Variants in PCDHA8 observed in about 807,000 individuals in gnomAD.
PCDHA8 encodes the protein protocadherin alpha 8.
In PCDHA8, 53 loss-of-function variants were observed where a neutral mutation model predicts 61.8. The observed-to-expected ratio is 0.86, with a 90% CI of 0.69 to 1.08. The LOEUF (loss-of-function observed/expected upper bound fraction) is 1.08, where lower values mean the gene tolerates loss of function less well. PCDHA8 is among the 50% of genes least tolerant of loss of function. The pLI is 0.00. For missense variants in PCDHA8, 1,293 were observed against 1,245.0 expected, an observed-to-expected ratio of 1.04 and a Z score of -0.58; for synonymous variants, 618 against 556.6, an observed-to-expected ratio of 1.11 and a Z score of -1.55.
At chr5:140,903,487 A>G (rs2070330722) in intron 1 of PCDHA8, among the ~76,000 whole-genome samples, 1 of 152,242 alleles carries the variant, frequency 6.6e-6, no homozygotes, top group South Asian at 2.1e-4. Context: ...TATAGTTCTG[A>G]GCAGGTACCA....
At position 141,010,114 on chromosome 5, in the gene PCDHA8, G is replaced by A. The variant is rs2098416092; in HGVS notation, c.*177G>A. Reference sequence around the variant, plus strand: ...GCATTTAACAGGTTTTGTCGTAAAAGCTTTACTAAGTCTGGTGTTAACTCT... The same window carrying A: ...GCATTTAACAGGTTTTGTCGTAAAAACTTTACTAAGTCTGGTGTTAACTCT... On this transcript the variant is annotated 3_prime_UTR_variant, in exon 4 of 4. Transcript: ENST00000531613. The A allele has an allele frequency of 1.2e-6, 2 of 1,609,716 alleles. No homozygotes were observed. Among genetic ancestry groups the A allele is most frequent in the Non-Finnish European group, 1.7e-6 (2 of 1,177,682 alleles).
intron 1 of PCDHA8, among the ~76,000 whole-genome samples, chr5:140,904,604 T>C (rs1010462159): frequency 2.0e-5 from 3 of 152,094 alleles, no homozygotes; most frequent in Non-Finnish European, 1.5e-5. Flanking sequence ...CTGGATCAAA[T>C]AGTAGTTTTA....
At chr5:140,938,870 A>C (rs560302282) in intron 1 of PCDHA8, among the ~76,000 whole-genome samples, 1 of 152,264 alleles carries the variant, frequency 6.6e-6, no homozygotes, top group South Asian at 2.1e-4. Flanking sequence ...TTAAAAGTTA[A>C]GAAGCAACAC....
At chr5:141,009,374 G>A (rs567366098) in intron 3 of PCDHA8, among the ~76,000 whole-genome samples, 2 of 152,334 alleles carry the variant, frequency 1.3e-5, no homozygotes, top group African/African-American at 2.4e-5. Context: ...TGGGAGGATT[G>A]ATTGAGCACA....
At chr5:141,007,149 T>G (rs980574316) in intron 3 of PCDHA8, among the ~76,000 whole-genome samples, 12 of 152,084 alleles carry the variant, frequency 7.9e-5, no homozygotes, top group African/African-American at 2.9e-4. Context: ...CAAAGGAAAC[T>G]GTCAAAGAAC....
chr5:141,008,597 C>T (rs1485271666), intron 3 of PCDHA8, among the ~76,000 whole-genome samples: 1 of 152,224 alleles, frequency 6.6e-6, no homozygotes, highest in East Asian at 1.9e-4. Flanking sequence ...GATTTCACCT[C>T]CTCTGGAACC....
chr5:140,862,675 G>A, intron 1 of PCDHA8: 1 of 550,422 alleles, frequency 1.8e-6, no homozygotes, highest in South Asian at 1.4e-5. Context: ...GCAGGAGAAC[G>A]TGCTGGTGTC....
At chr5:140,962,667 C>T (rs576054969) in intron 1 of PCDHA8, among the ~76,000 whole-genome samples, 1 of 152,272 alleles carries the variant, frequency 6.6e-6, no homozygotes, top group East Asian at 1.9e-4. Flanking sequence ...TTCATCTTCC[C>T]ATCCACTGGA....
intron 1 of PCDHA8, chr5:140,854,476 A>G (rs1156843367): frequency 6.7e-6 from 1 of 150,032 alleles, no homozygotes. Flanking sequence ...GTAGAGAAGT[A>G]TAGAAACAGA....
rs1777945140 is a variant in PCDHA8 at position 140,842,438 on chromosome 5, A to G, written c.1117A>G (p.Ser373Gly). ...AQFGTVIALISVNDLDSGANG... is the reference protein window; with the variant it reads ...AQFGTVIALIGVNDLDSGANG... Reference sequence around the variant, plus strand: ...ATTTGGTACTGTCATCGCCCTAATTAGCGTGAACGACCTCGATTCAGGTGC... The same window carrying G: ...ATTTGGTACTGTCATCGCCCTAATTGGCGTGAACGACCTCGATTCAGGTGC... The change falls in exon 1 of 4, where the codon AGC becomes GGC. Residue 373 changes from serine to glycine, a missense_variant. By Grantham distance (56) the Ser-to-Gly change is moderately conservative (BLOSUM62 0). Transcript: ENST00000531613. 6.2e-7 allele frequency: 1 copy of G among 1,613,768 alleles called. No homozygotes were observed. Among genetic ancestry groups the G allele is most frequent in the Non-Finnish European group, 8.5e-7 (1 of 1,179,752 alleles).
intron 1 of PCDHA8, chr5:140,849,490 G>A: frequency 6.3e-7 from 1 of 1,592,564 alleles, no homozygotes; most frequent in African/African-American, 1.4e-5. Context: ...CCCCTGGCTG[G>A]TCATTGTACA....
intron 1 of PCDHA8, among the ~76,000 whole-genome samples, chr5:140,895,002 A>C (rs1003440406): frequency 6.6e-6 from 1 of 152,030 alleles, no homozygotes; most frequent in Non-Finnish European, 1.5e-5. Flanking sequence ...TACCCTTTTT[A>C]CTTGGACCTT....
In PCDHA8 at chr5:141,010,847, A is replaced by C. The variant is rs2098418553; in HGVS notation, c.*910A>C. 6.5e-6 allele frequency: 1 copy of C among 153,782 alleles called. No homozygotes were observed. Among genetic ancestry groups the C allele is most frequent in the Non-Finnish European group, 1.5e-5 (1 of 68,062 alleles). The allele number at this position is 153,782 out of a possible 1,614,324, so 9.5% of individuals were successfully genotyped here. A position where few individuals can be genotyped will look rare whatever the true frequency, so the allele number is the denominator to read the frequency against. ...TTGTTGTTTCATAGATTTATTTAAA[A>C]AAAGAGAAAGTCTATAGCTATAAAT... On this transcript the variant is annotated 3_prime_UTR_variant, in exon 4 of 4. Transcript: ENST00000531613.
rs557129583 is a variant in PCDHA8 at position 140,853,604 on chromosome 5, G to A, written c.2394+9889G>A. The A allele has an allele frequency of 2.1e-4, 212 of 987,262 alleles. 18 individuals are homozygous for A. Among genetic ancestry groups the A allele is most frequent in the Non-Finnish European group, 2.2e-4 (180 of 819,618 alleles). 61.2% of individuals were successfully genotyped at this position (987,262 alleles called of 1,614,324 possible). A position where few individuals can be genotyped will look rare whatever the true frequency, so the allele number is the denominator to read the frequency against. ...ATCTTAGACACTTTGAGAGCAAAGG[G>A]GGTGCTGTAAATAAGTATACAAGAT... On this transcript the variant is annotated intron_variant, in intron 1 of 3. Coordinates refer to ENST00000531613, the MANE Select transcript of PCDHA8 (RefSeq NM_018911.3).
At position 140,849,929 on chromosome 5, in the gene PCDHA8, T is replaced by G. The variant is rs1450636702; in HGVS notation, c.2394+6214T>G. 8.1e-6 allele frequency: 13 copies of G among 1,598,096 alleles called. 1 individual carries two copies. The African/African-American group carries it at 1.2e-4, about 15-fold the overall frequency. On this transcript the variant is annotated intron_variant, in intron 1 of 3. Transcript: ENST00000531613. ...CGGGCTGCCACATCTTCACGGTGTC[T>G]GCGCGGGACGCTGACGCGCAGGAGA...
Position 140,850,531 on chromosome 5 carries a change from C to T in PCDHA8, c.2394+6816C>T, listed in dbSNP as rs2150488289. 32 of 1,598,158 alleles carry T rather than the reference C, an allele frequency of 2.0e-5. 1 individual carries two copies. The East Asian group carries it at 2.5e-4, about 12-fold the overall frequency. On this transcript the variant is annotated intron_variant, in intron 1 of 3. Coordinates refer to ENST00000531613, the MANE Select transcript of PCDHA8 (RefSeq NM_018911.3). ...GAGAGCGGCCAGGCGCCAAAGTCAT[C>T]GTCGCGGGCGTCAGTGGGTGCCACG...
chr5:140,940,450 A>G (rs1279490375), intron 1 of PCDHA8, among the ~76,000 whole-genome samples: 1 of 151,884 alleles, frequency 6.6e-6, no homozygotes, highest in Non-Finnish European at 1.5e-5. Flanking sequence ...GATATTTTTT[A>G]TAGGTTTCTG....
At chr5:140,955,470 G>C (rs1459601597) in intron 1 of PCDHA8, among the ~76,000 whole-genome samples, 2 of 151,850 alleles carry the variant, frequency 1.3e-5, no homozygotes, top group African/African-American at 4.8e-5. Context: ...CTTTTTGCTT[G>C]GCACCTCTCC....
Position 140,856,863 on chromosome 5 carries a change from T to C in PCDHA8, c.2394+13148T>C. 4 of 1,595,256 alleles carry C rather than the reference T, an allele frequency of 2.5e-6. 1 individual carries two copies. Among genetic ancestry groups the C allele is most frequent in the Non-Finnish European group, 3.4e-6 (4 of 1,165,176 alleles). ...AACGCTTCTGATTCGGATGAAGGAA[T>C]AAACAAGGAAATGATGTATTCATTT... On this transcript the variant is annotated intron_variant, in intron 1 of 3. Transcript: ENST00000531613.
Sources: gnomAD v4.1 joint callset for allele counts (sites outside exome capture counted in the v4.1 genomes callset) on GRCh38, gnomAD v4.1.1 for gene constraint, MANE v1.5 for transcripts, NCBI Gene and HGNC (gene_info 2026-07-23, HGNC 2026-07-21) for gene names.